DAP: variants seen among roughly 807,000 people sequenced by gnomAD.
DAP encodes death associated protein.
Under a neutral mutation model 13.8 loss-of-function variants are expected in DAP, and 8 were observed. That is an observed-to-expected ratio of 0.58 (90% CI 0.34 to 1.05). DAP has a LOEUF of 1.05. Ranked by LOEUF, DAP falls within the 50% of genes least tolerant of loss-of-function variation. DAP has a pLI of 0.03. For synonymous variants in DAP, 47 were observed against 47.5 expected, an observed-to-expected ratio of 0.99 and a Z score of 0.04; for missense variants, 106 against 133.2, an observed-to-expected ratio of 0.80 and a Z score of 1.01.
Position 10,680,477 on chromosome 5 carries a change from C to T in DAP, c.*579G>A, listed in dbSNP as rs1737955811. The T allele has an allele frequency of 5.6e-6, 3 of 531,508 alleles. No homozygotes were observed. The South Asian group carries it at 8.0e-5, about 14-fold the overall frequency. The allele number at this position is 531,508 out of a possible 1,614,324, so 32.9% of individuals were successfully genotyped here. On this transcript the variant is annotated 3_prime_UTR_variant, in exon 4 of 4. Transcript: ENST00000230895. ...GAATTGAGGGGCTATTTCTAAGATG[C>T]ATGCTTTTTCGGCTTTTCTCATGGG...
chr5:10,745,409 C>T (rs1337826184), intron 2 of DAP, among the ~76,000 whole-genome samples: 1 of 152,208 alleles, frequency 6.6e-6, no homozygotes, highest in African/African-American at 2.4e-5. Flanking sequence ...CAACAAAAGC[C>T]TTGCTCATGT....
chr5:10,736,508 C>T (rs893787489), intron 2 of DAP, among the ~76,000 whole-genome samples: 5 of 152,308 alleles, frequency 3.3e-5, no homozygotes, highest in East Asian at 3.9e-4. Flanking sequence ...TCACACGCAG[C>T]GGATGCTGCC....
At chr5:10,734,055 G>A (rs1293017771) in intron 2 of DAP, 2 of 152,196 alleles carry the variant, frequency 1.3e-5, no homozygotes, top group South Asian at 2.1e-4. Context: ...TATGTAGTAA[G>A]AAAACACTCC....
chr5:10,693,688 C>A (rs1738364878), intron 2 of DAP, among the ~76,000 whole-genome samples: 1 of 149,986 alleles, frequency 6.7e-6, no homozygotes, highest in African/African-American at 2.5e-5. Context: ...GGCTCCAAGC[C>A]CAGTCCCCTC....
At chr5:10,748,547 G>A (rs1381312901) in intron 1 of DAP, among the ~76,000 whole-genome samples, 1 of 152,268 alleles carries the variant, frequency 6.6e-6, no homozygotes, top group African/African-American at 2.4e-5. Flanking sequence ...CAGAGCAGCA[G>A]TGTAACGAGG....
intron 1 of DAP, among the ~76,000 whole-genome samples, chr5:10,753,230 C>T (rs961698106): frequency 6.6e-6 from 1 of 152,222 alleles, no homozygotes; most frequent in African/African-American, 2.4e-5. Context: ...GGAGTAGATC[C>T]TGAGGCAGGG....
chr5:10,707,874 G>C lies in DAP; in HGVS notation c.153-24303C>G, dbSNP rs1157438737. Reference sequence around the variant, plus strand: ...TTCTCTTTTAGATTAAATTCTCCATGAATCACATTAATTTGGTGCCTCACC... The same window carrying C: ...TTCTCTTTTAGATTAAATTCTCCATCAATCACATTAATTTGGTGCCTCACC... On this transcript the variant is annotated intron_variant, in intron 2 of 3. Transcript: ENST00000230895. This position sits in a 1 kb window ranked among gnomAD's most constrained non-coding sequence, Gnocchi z 4.0. Among the ~76,000 whole-genome samples, 2 of 152,176 alleles carry C rather than the reference G, an allele frequency of 1.3e-5. No homozygotes were observed. Among genetic ancestry groups the C allele is most frequent in the African/African-American group, 4.8e-5 (2 of 41,420 alleles).
chr5:10,722,509 T>C (rs1339790782), intron 2 of DAP, among the ~76,000 whole-genome samples: 1 of 144,068 alleles, frequency 6.9e-6, no homozygotes, highest in African/African-American at 2.6e-5. Context: ...CACATACATA[T>C]GCATACATAT....
At chr5:10,757,808 T>C (rs1432270589) in intron 1 of DAP, among the ~76,000 whole-genome samples, 2 of 152,028 alleles carry the variant, frequency 1.3e-5, no homozygotes, top group South Asian at 2.1e-4. Flanking sequence ...CGGTTTGCTA[T>C]GGGGGCAGTG....
rs565170299 is a variant in DAP, at chr5:10,738,200, G to A, written c.152+9975C>T. 7.9e-5 allele frequency among the ~76,000 whole-genome samples: 12 copies of A among 152,368 alleles called. 1 individual carries two copies. In the South Asian group the frequency reaches 2.5e-3, roughly 32 times the overall value. On this transcript the variant is annotated intron_variant, in intron 2 of 3. Coordinates refer to ENST00000230895, the MANE Select transcript of DAP (RefSeq NM_004394.3). Reference sequence around the variant, plus strand: ...TGGCATTTTGTTAAGGCAGCCCTGGGAAACAAATACAGTATATCTGCAGTA... The same window carrying A: ...TGGCATTTTGTTAAGGCAGCCCTGGAAAACAAATACAGTATATCTGCAGTA...
intron 2 of DAP, chr5:10,734,334 T>C (rs1332165555): frequency 2.0e-5 from 3 of 152,240 alleles, no homozygotes; most frequent in East Asian, 1.9e-4. Context: ...GGTTTCCACA[T>C]CCGTTATGTA....
chr5:10,760,261 G>A (rs182073), intron 1 of DAP, among the ~76,000 whole-genome samples: 34,247 of 152,044 alleles, frequency 0.23, 4,361 homozygotes, highest in African/African-American at 0.34. Flanking sequence ...CTCCATATGG[G>A]CCGACTGCCA....
At chr5:10,683,701 T>A in intron 2 of DAP, 130 bp from the exon 3 acceptor site, 1 of 810,210 alleles carries the variant, frequency 1.2e-6, no homozygotes, top group Non-Finnish European at 2.1e-6. Context: ...AAACCTCTCC[T>A]CTGCGTTATT....
intron 2 of DAP, among the ~76,000 whole-genome samples, chr5:10,737,621 G>C (rs1228890701): frequency 1.3e-5 from 2 of 152,222 alleles, no homozygotes; most frequent in African/African-American, 4.8e-5. Flanking sequence ...ATACATGCCT[G>C]AGATTTAAGC....
At chr5:10,738,402 C>T (rs913632973) in intron 2 of DAP, among the ~76,000 whole-genome samples, 1 of 152,234 alleles carries the variant, frequency 6.6e-6, no homozygotes, top group African/African-American at 2.4e-5. Flanking sequence ...CTTAACTGAA[C>T]AATCAAAGCT....
At chr5:10,745,259 C>T (rs972426348) in intron 2 of DAP, among the ~76,000 whole-genome samples, 3 of 152,154 alleles carry the variant, frequency 2.0e-5, no homozygotes, top group Non-Finnish European at 4.4e-5. Context: ...AAAGAGTGTA[C>T]ACAGGCTTAC....
chr5:10,698,730 T>A (rs1003967727), intron 2 of DAP, among the ~76,000 whole-genome samples: 4 of 152,182 alleles, frequency 2.6e-5, no homozygotes, highest in Admixed American at 2.0e-4. Flanking sequence ...TCATTCTATC[T>A]ATCAATCATC....
At chr5:10,741,607 G>A (rs770538956) in intron 2 of DAP, among the ~76,000 whole-genome samples, 1 of 152,188 alleles carries the variant, frequency 6.6e-6, no homozygotes, top group East Asian at 1.9e-4. Context: ...TCTGAAGGCA[G>A]ACTAAGTTAA....
intron 1 of DAP, among the ~76,000 whole-genome samples, chr5:10,751,992 G>T (rs1391236262): frequency 6.6e-6 from 1 of 152,102 alleles, no homozygotes; most frequent in African/African-American, 2.4e-5. Context: ...TTCCAACTTG[G>T]CACACATAAA....
Sources: gnomAD v4.1 joint callset for allele counts (sites outside exome capture counted in the v4.1 genomes callset) on GRCh38, gnomAD v4.1.1 for gene constraint, Gnocchi (gnomAD v3.1) non-coding constraint, MANE v1.5 for transcripts, NCBI Gene and HGNC (gene_info 2026-07-23, HGNC 2026-07-21) for gene names.